Variants in MRTFA observed in about 807,000 individuals in gnomAD.
MRTFA encodes the protein myocardin-related transcription factor A.
A neutral mutation model predicts 83.5 loss-of-function variants in MRTFA; 20 were observed. The ratio of observed to expected loss-of-function variants is 0.24; its 90% CI spans 0.17 to 0.35. The LOEUF is 0.35. MRTFA is among the 10% of genes least tolerant of loss of function. The pLI is 1.00. For synonymous variants in MRTFA, 659 were observed against 541.2 expected, an observed-to-expected ratio of 1.22 and a Z score of -3.02; for missense variants, 1,200 against 1,224.7, an observed-to-expected ratio of 0.98 and a Z score of 0.30.
intron 3 of MRTFA, among the ~76,000 whole-genome samples, chr22:40,463,668 C>G (rs555127427): frequency 6.6e-6 from 1 of 151,990 alleles, no homozygotes; most frequent in African/African-American, 2.4e-5. Context: ...AGATGCTCTA[C>G]GCTTAACAAA....
chr22:40,577,275 T>C (rs1056792678), intron 2 of MRTFA, among the ~76,000 whole-genome samples: 15 of 144,744 alleles, frequency 1.0e-4, no homozygotes, highest in Non-Finnish European at 3.0e-5. Context: ...AAAAAGACTA[T>C]AATGAGATTG....
At chr22:40,613,824 T>G (rs541387743) in intron 1 of MRTFA, among the ~76,000 whole-genome samples, 1 of 152,164 alleles carries the variant, frequency 6.6e-6, no homozygotes, top group Non-Finnish European at 1.5e-5. Flanking sequence ...GTGGGAGAAC[T>G]GCTTGAACAC....
intron 1 of MRTFA, among the ~76,000 whole-genome samples, chr22:40,617,745 AAAAG>A (rs1364887854): frequency 7.9e-5 from 12 of 151,768 alleles, no homozygotes; most frequent in East Asian, 1.9e-4. Context: ...AAAAGAAAAA[AAAAG>A]AAAGAAAGAA....
At chr22:40,441,192 T>G (rs902463055) in intron 4 of MRTFA, among the ~76,000 whole-genome samples, 1 of 152,234 alleles carries the variant, frequency 6.6e-6, no homozygotes, top group Non-Finnish European at 1.5e-5. Context: ...AGCTCTTGTG[T>G]GGCTTTGTGT....
chr22:40,594,313 A>G (rs1166341336), intron 2 of MRTFA, among the ~76,000 whole-genome samples: 2 of 152,166 alleles, frequency 1.3e-5, no homozygotes, highest in East Asian at 3.8e-4. Flanking sequence ...CCACCACCCT[A>G]AATTGGTTTA....
chr22:40,630,643 C>G (rs572634145), intron 1 of MRTFA, among the ~76,000 whole-genome samples: 152 of 152,250 alleles, frequency 1.0e-3, no homozygotes, highest in African/African-American at 3.6e-3. Context: ...TCACAAAATC[C>G]GTCCTTTGAA....
intron 2 of MRTFA, among the ~76,000 whole-genome samples, chr22:40,561,545 G>C (rs1371651457): frequency 1.3e-5 from 2 of 151,042 alleles, no homozygotes; most frequent in African/African-American, 4.9e-5. Context: ...TCAAGTCTTG[G>C]CTAATTAACT....
At chr22:40,573,349 G>A (rs1396500857) in intron 2 of MRTFA, among the ~76,000 whole-genome samples, 1 of 152,142 alleles carries the variant, frequency 6.6e-6, no homozygotes, top group Non-Finnish European at 1.5e-5. Context: ...CTGCCTCCCA[G>A]GTTCAAGCAA....
intron 3 of MRTFA, among the ~76,000 whole-genome samples, chr22:40,471,219 TAAAAAAAAAAAAAAA>T (rs61206773): frequency 0.025 from 1,055 of 42,766 alleles, 39 homozygotes; most frequent in Middle Eastern, 0.24. Flanking sequence ...CTGTTTCTAT[TAAAAAAAAAAAAAAA>T]AAAAAAAAAA....
chr22:40,464,860 A>C (rs1244124933), intron 3 of MRTFA, among the ~76,000 whole-genome samples: 1 of 152,038 alleles, frequency 6.6e-6, no homozygotes, highest in African/African-American at 2.4e-5. Flanking sequence ...GTATTTTTTA[A>C]ATGTCTGGGC....
At chr22:40,614,359 T>C (rs1473965477) in intron 1 of MRTFA, among the ~76,000 whole-genome samples, 3 of 150,888 alleles carry the variant, frequency 2.0e-5, no homozygotes, top group Non-Finnish European at 4.4e-5. Flanking sequence ...TGCAGTTAAC[T>C]ATGATCACGC....
At chr22:40,444,178 T>C (rs1602251780) in intron 4 of MRTFA, among the ~76,000 whole-genome samples, 1 of 151,954 alleles carries the variant, frequency 6.6e-6, no homozygotes, top group Non-Finnish European at 1.5e-5. Flanking sequence ...ATTACAAACA[T>C]ATTACAGCAG....
At position 40,561,998 on chromosome 22, in the gene MRTFA, C is replaced by T. The variant is rs145414593; in HGVS notation, c.-21-9631G>A. ...AAAAGAGGTCTCATCAGGTGGATCACGAGGTCAGGAGCTCGAGACCATCCT... is the reference window on the plus strand; with the variant it reads ...AAAAGAGGTCTCATCAGGTGGATCATGAGGTCAGGAGCTCGAGACCATCCT... On this transcript the variant is annotated intron_variant, in intron 2 of 14. Transcript: ENST00000355630. Among the ~76,000 whole-genome samples the T allele has an allele frequency of 2.9e-3, 436 of 152,146 alleles. 2 individuals are homozygous for T. Among genetic ancestry groups the T allele is most frequent in the African/African-American group, 1.0e-2 (415 of 41,540 alleles).
intron 1 of MRTFA, among the ~76,000 whole-genome samples, chr22:40,635,593 CAG>C (rs2056687795): frequency 6.6e-6 from 1 of 152,146 alleles, no homozygotes; most frequent in East Asian, 1.9e-4. Context: ...TGCTGCATAA[CAG>C]GGAGACAACA....
chr22:40,429,293 C>T, intron 7 of MRTFA: 2 of 604,954 alleles, frequency 3.3e-6, no homozygotes. Context: ...TTCACACACA[C>T]TGATCCTGAC....
chr22:40,435,696 G>A, intron 4 of MRTFA, 142 bp from the exon 5 acceptor site: 1 of 793,560 alleles, frequency 1.3e-6, no homozygotes, highest in Non-Finnish European at 2.2e-6. Context: ...ACTTTGGGAG[G>A]CTGAGGCAGG....
chr22:40,458,506 C>A (rs1026209131), intron 4 of MRTFA, among the ~76,000 whole-genome samples: 1 of 152,074 alleles, frequency 6.6e-6, no homozygotes, highest in Non-Finnish European at 1.5e-5. Flanking sequence ...GGAAGGGAAC[C>A]ACTGAAGCAC....
intron 4 of MRTFA, among the ~76,000 whole-genome samples, chr22:40,437,335 G>A (rs2053190744): frequency 6.6e-6 from 1 of 152,174 alleles, no homozygotes; most frequent in Admixed American, 6.5e-5. Flanking sequence ...CTCTTGGAAA[G>A]CTTAGCACAT....
intron 2 of MRTFA, among the ~76,000 whole-genome samples, chr22:40,586,485 G>A (rs1036633544): frequency 2.6e-5 from 4 of 152,186 alleles, no homozygotes; most frequent in East Asian, 1.9e-4. Flanking sequence ...AATGGCAAAC[G>A]CCCTCAGAAT....
Sources: gnomAD v4.1 joint callset for allele counts (sites outside exome capture counted in the v4.1 genomes callset) on GRCh38, gnomAD v4.1.1 for gene constraint, MANE v1.5 for transcripts, NCBI Gene and HGNC (gene_info 2026-07-23, HGNC 2026-07-21) for gene names.